Variants in NHEJ1 observed in about 807,000 individuals in gnomAD.
NHEJ1 encodes non-homologous end-joining factor 1.
In NHEJ1, 22 loss-of-function variants were observed where a neutral mutation model predicts 39.4. That is an observed-to-expected ratio of 0.56 (90% CI 0.40 to 0.80). The LOEUF (loss-of-function observed/expected upper bound fraction) is 0.80. NHEJ1 is among the 30% of genes least tolerant of loss of function. NHEJ1 has a pLI of 0.00. For synonymous variants in NHEJ1, 154 were observed against 135.6 expected (o/e 1.14, Z -0.94); for missense variants, 329 against 357.1 (o/e 0.92, Z 0.63).
chr2:219,127,172 T>G (rs369186511), intron 5 of NHEJ1, among the ~76,000 whole-genome samples: 2 of 152,140 alleles, frequency 1.3e-5, no homozygotes, highest in African/African-American at 4.8e-5. Flanking sequence ...CAGGTTCCAT[T>G]TGGCTTCTTT....
At chr2:219,137,595 A>AAAAAAAAAAAAAAAAG (rs143557047) in intron 5 of NHEJ1, among the ~76,000 whole-genome samples, 1 of 82,668 alleles carries the variant, frequency 1.2e-5, no homozygotes, top group Non-Finnish European at 3.0e-5. Context: ...AAAAAAAACA[A>AAAAAAAAAAAAAAAAG]AAAAAACTGA....
chr2:219,134,189 T>C (rs1284987817), intron 5 of NHEJ1, among the ~76,000 whole-genome samples: 2 of 152,220 alleles, frequency 1.3e-5, no homozygotes, highest in Non-Finnish European at 2.9e-5. Context: ...CAGTTACCCC[T>C]TCTCTTTGGC....
At chr2:219,096,552 G>GA (rs1358277640) in intron 5 of NHEJ1, among the ~76,000 whole-genome samples, 1 of 152,078 alleles carries the variant, frequency 6.6e-6, no homozygotes, top group Non-Finnish European at 1.5e-5. Context: ...TGCAATGGGG[G>GA]AAAAAAAGAG....
chr2:219,079,079 A>G (rs6752757), intron 5 of NHEJ1, among the ~76,000 whole-genome samples: 16,426 of 152,282 alleles, frequency 0.11, 914 homozygotes, highest in East Asian at 0.15. Context: ...CATCCACAGC[A>G]AAATACTTTG....
intron 5 of NHEJ1, among the ~76,000 whole-genome samples, chr2:219,119,191 T>C (rs953977495): frequency 5.3e-5 from 8 of 152,088 alleles, no homozygotes; most frequent in African/African-American, 1.9e-4. Flanking sequence ...AAAAGAAACC[T>C]ATCTGTAAAG....
intron 5 of NHEJ1, among the ~76,000 whole-genome samples, chr2:219,115,363 T>G (rs1417984941): frequency 1.3e-5 from 2 of 152,160 alleles, no homozygotes; most frequent in Non-Finnish European, 2.9e-5. Flanking sequence ...AGTCAATGAC[T>G]TTAGTTTGGG....
chr2:219,080,693 A>ATATATGCTTATATATATGCT (rs1553542339), intron 5 of NHEJ1, among the ~76,000 whole-genome samples: 1 of 92,126 alleles, frequency 1.1e-5, no homozygotes, highest in Admixed American at 9.6e-5. Flanking sequence ...ATATATGCTT[A>ATATATGCTTATATATATGCT]TATATATATA....
intron 5 of NHEJ1, among the ~76,000 whole-genome samples, chr2:219,130,044 CTTTT>C (rs11337813): frequency 7.4e-6 from 1 of 134,802 alleles, no homozygotes. Context: ...TATGTCCCTT[CTTTT>C]TTTTTTTTTT....
rs546730913 is a variant in NHEJ1 at position 219,136,831 on chromosome 2, G to A, written c.588+9849C>T. ...TTGGCCAGGCTGATCTCAAACTCCC[G>A]ACCTCAACTGATCTGCCCGCCTCAG... On this transcript the variant is annotated intron_variant, in intron 5 of 7. Transcript: ENST00000356853. 1.5e-4 allele frequency among the ~76,000 whole-genome samples: 23 copies of A among 152,152 alleles called. 1 individual carries two copies. Among genetic ancestry groups the A allele is most frequent in the African/African-American group, 5.1e-4 (21 of 41,512 alleles).
chr2:219,096,627 G>T (rs1949210899), intron 5 of NHEJ1, among the ~76,000 whole-genome samples: 1 of 152,160 alleles, frequency 6.6e-6, no homozygotes, highest in Admixed American at 6.5e-5. Context: ...AAGTGATCAG[G>T]GTAGGCTTTG....
intron 5 of NHEJ1, among the ~76,000 whole-genome samples, chr2:219,078,853 TTTTAA>T (rs1486913774): frequency 6.6e-6 from 1 of 152,206 alleles, no homozygotes; most frequent in Non-Finnish European, 1.5e-5. Context: ...AAACTGACTC[TTTTAA>T]AGTATAAAGC....
At chr2:219,107,517 T>C (rs910251440) in intron 5 of NHEJ1, among the ~76,000 whole-genome samples, 1 of 152,124 alleles carries the variant, frequency 6.6e-6, no homozygotes, top group Non-Finnish European at 1.5e-5. Context: ...GAAACAGCAA[T>C]GTCTATCAGG....
At chr2:219,160,598 C>T (rs959919377) in intron 1 of NHEJ1, 122 bp downstream of exon 1, 3 of 152,148 alleles carry the variant, frequency 2.0e-5, no homozygotes, top group South Asian at 2.1e-4. Context: ...GAGGCCTGCC[C>T]TGGACCCCGG....
At chr2:219,116,592 A>T (rs1384828842) in intron 5 of NHEJ1, among the ~76,000 whole-genome samples, 1 of 152,138 alleles carries the variant, frequency 6.6e-6, no homozygotes, top group Non-Finnish European at 1.5e-5. Flanking sequence ...ACTGGGCTCA[A>T]GCGATCAACC....
In NHEJ1 at chr2:219,159,576, C is replaced by CATAT. The variant is rs72363387; in HGVS notation, c.-1+1140_-1+1143dup. Among the ~76,000 whole-genome samples the CATAT allele has an allele frequency of 3.2e-4, 22 of 68,962 alleles. 1 individual carries two copies. The highest frequency in any genetic ancestry group is 6.0e-4 in the East Asian group (1 of 1,672). 45.2% of individuals were successfully genotyped at this position (68,962 alleles called of 152,430 possible). A position where few individuals can be genotyped will look rare whatever the true frequency, so the allele number is the denominator to read the frequency against. On this transcript the variant is annotated intron_variant, in intron 1 of 7. Transcript: ENST00000356853. ...GCATATATATATGCATATATATATG[C>CATAT]ATATATATATGCATATATATATATG...
In NHEJ1 at chr2:219,106,498, A is replaced by G. The variant is rs560060998; in HGVS notation, c.589-28292T>C. On this transcript the variant is annotated intron_variant, in intron 5 of 7. Transcript: ENST00000356853. Reference sequence around the variant, plus strand: ...GAAAGGATGAGACAAGGGACGGGAGATCAAAGCCCTGTGACAGAAAGCCAA... The same window carrying G: ...GAAAGGATGAGACAAGGGACGGGAGGTCAAAGCCCTGTGACAGAAAGCCAA... Among the ~76,000 whole-genome samples, 12 of 152,288 alleles carry G rather than the reference A, an allele frequency of 7.9e-5. No individual in the cohort carries two copies. In the South Asian group the frequency reaches 2.5e-3, roughly 32 times the overall value.
At position 219,070,000 on chromosome 2, in the gene NHEJ1, ATT is replaced by A. The variant is rs1296410146; in HGVS notation, c.*6379_*6380del. Among the ~76,000 whole-genome samples, 11 of 152,222 alleles carry A rather than the reference ATT, an allele frequency of 7.2e-5. No individual in the cohort carries two copies. Among genetic ancestry groups the A allele is most frequent in the Non-Finnish European group, 1.3e-4 (9 of 68,040 alleles). Reference sequence around the variant, plus strand: ...CCACATTCAACAAGAAACAGGAATCATTAAACATGCATTAACTCAAATTATAT... The same window carrying A: ...CCACATTCAACAAGAAACAGGAATCAAAACATGCATTAACTCAAATTATAT... On this transcript the variant is annotated 3_prime_UTR_variant, in exon 8 of 8. Coordinates refer to ENST00000356853, the MANE Select transcript of NHEJ1 (RefSeq NM_024782.3).
intron 5 of NHEJ1, among the ~76,000 whole-genome samples, chr2:219,142,637 T>C (rs772181575): frequency 6.6e-6 from 1 of 152,256 alleles, no homozygotes; most frequent in African/African-American, 2.4e-5. Context: ...TCCAGTGGAC[T>C]AGACTGAGAG....
At chr2:219,106,678 C>A (rs926528530) in intron 5 of NHEJ1, among the ~76,000 whole-genome samples, 1 of 152,196 alleles carries the variant, frequency 6.6e-6, no homozygotes, top group Non-Finnish European at 1.5e-5. Flanking sequence ...ATGCTTGGAA[C>A]AGAAAGCCCT....
Sources: allele counts gnomAD v4.1 joint callset (sites outside exome capture counted in the v4.1 genomes callset), GRCh38; gene constraint gnomAD v4.1.1; transcripts MANE v1.5; gene names NCBI Gene and HGNC (gene_info 2026-07-23, HGNC 2026-07-21).